GABPA: variants seen among roughly 807,000 people sequenced by gnomAD.
GABPA encodes GA-binding protein alpha chain.
GABPA carries 4 observed loss-of-function variants against 59.4 expected under a neutral mutation model. The observed-to-expected ratio is 0.07, with a 90% CI of 0.03 to 0.15. The LOEUF (loss-of-function observed/expected upper bound fraction) is 0.15, where lower values mean the gene tolerates loss of function less well. Among genes scored for constraint, GABPA ranks in the 10% least tolerant of loss-of-function variants. The probability of loss-of-function intolerance (pLI) is 1.00; values close to 1 mark genes in which losing one functional copy is unlikely to be tolerated. For synonymous variants in GABPA, 164 were observed against 183.1 expected (o/e 0.90, Z 0.84); for missense variants, 251 against 543.8 (o/e 0.46, Z 5.36).
intron 9 of GABPA, among the ~76,000 whole-genome samples, chr21:25,767,850 A>C (rs2035929305): frequency 6.6e-6 from 1 of 152,092 alleles, no homozygotes; most frequent in African/African-American, 2.4e-5. Flanking sequence ...GCTATTCTGG[A>C]ATTAGGGAAA....
Position 25,764,770 on chromosome 21 carries a change from A to G in GABPA, c.1119A>G (p.Lys373=). The G allele has an allele frequency of 3.8e-6, 6 of 1,589,884 alleles. No homozygotes were observed. The highest frequency in any genetic ancestry group is 5.1e-6 in the Non-Finnish European group (6 of 1,172,478). ...RKNKPTMNYE[K]LSRALRYYYD... ...ATAAGCCTACGATGAACTATGAGAA[A>G]CTCAGTCGTGCATTAAGGTAAGCCT... Residue 373 remains lysine (K), a synonymous_variant, in exon 9 of 10, where the codon AAA becomes AAG. Coordinates refer to ENST00000400075, the MANE Select transcript of GABPA (RefSeq NM_002040.4).
chr21:25,744,042 CAAAAAA>C (rs1182340915), intron 2 of GABPA, among the ~76,000 whole-genome samples: 1 of 71,884 alleles, frequency 1.4e-5, no homozygotes. Flanking sequence ...GACTCTGTCT[CAAAAAA>C]AAAAAAAAAA....
chr21:25,758,345 A>T, intron 6 of GABPA, 141 bp downstream of exon 6: 1 of 590,974 alleles, frequency 1.7e-6, no homozygotes, highest in Non-Finnish European at 2.8e-6. Flanking sequence ...GTATAATGCT[A>T]TGCTGAAAGC....
At chr21:25,764,187 T>A (rs202180011) in intron 7 of GABPA, 23 bp from the exon 8 acceptor site, 4 of 1,530,832 alleles carry the variant, frequency 2.6e-6, no homozygotes, top group African/African-American at 1.4e-5. Context: ...AGAAAAAAAA[T>A]TTCTCCTTGT....
chr21:25,768,881 T>C, intron 9 of GABPA, 123 bp from the exon 10 acceptor site: 1 of 640,020 alleles, frequency 1.6e-6, no homozygotes, highest in Admixed American at 2.7e-5. Flanking sequence ...ATAGCTTCAA[T>C]ATTAATTGCT....
chr21:25,763,842 G>A (rs2035823031), intron 7 of GABPA, among the ~76,000 whole-genome samples: 1 of 152,086 alleles, frequency 6.6e-6, no homozygotes, highest in Non-Finnish European at 1.5e-5. Context: ...TTCTCAAAGT[G>A]GTGGTGTGAA....
At chr21:25,736,078 C>A (rs550528943) in intron 1 of GABPA, among the ~76,000 whole-genome samples, 12 of 151,924 alleles carry the variant, frequency 7.9e-5, no homozygotes, top group African/African-American at 2.9e-4. Flanking sequence ...TGGTAGCCAT[C>A]TGGGTTTGTT....
intron 1 of GABPA, among the ~76,000 whole-genome samples, chr21:25,739,598 A>G (rs1310965279): frequency 2.0e-5 from 3 of 152,040 alleles, no homozygotes; most frequent in African/African-American, 7.3e-5. Context: ...TTCCTCTTCT[A>G]CTTTTAAGGA....
chr21:25,767,800 T>C (rs1601158921), intron 9 of GABPA, among the ~76,000 whole-genome samples: 2 of 152,120 alleles, frequency 1.3e-5, no homozygotes, highest in South Asian at 4.1e-4. Flanking sequence ...CAATGTGTTA[T>C]ATCTCTTACT....
chr21:25,753,190 A>G (rs907938696), intron 5 of GABPA, among the ~76,000 whole-genome samples: 1 of 152,216 alleles, frequency 6.6e-6, no homozygotes, highest in African/African-American at 2.4e-5. Flanking sequence ...TTGGGGAAGT[A>G]GAGAAGTCTG....
intron 5 of GABPA, among the ~76,000 whole-genome samples, chr21:25,752,733 TA>T (rs2123531379): frequency 6.6e-6 from 1 of 152,282 alleles, no homozygotes; most frequent in African/African-American, 2.4e-5. Context: ...GTTAAGGAGT[TA>T]CTCTGTAGCA....
At chr21:25,739,095 A>G (rs2035153469) in intron 1 of GABPA, among the ~76,000 whole-genome samples, 1 of 152,212 alleles carries the variant, frequency 6.6e-6, no homozygotes, top group Non-Finnish European at 1.5e-5. Flanking sequence ...CGTCCATCCC[A>G]GTGGAGAACC....
chr21:25,763,261 T>G lies in GABPA; in HGVS notation c.802+896T>G, dbSNP rs889876935. ...GAGAATACTTTTAAGCCTGCTGAGC[T>G]CTTTTGGGGCATTTTTCCCCCCTTT... On this transcript the variant is annotated intron_variant, in intron 7 of 9. Coordinates refer to ENST00000400075, the MANE Select transcript of GABPA (RefSeq NM_002040.4). The G allele has an allele frequency of 4.8e-4, 188 of 394,908 alleles. 2 individuals are homozygous for G. Among genetic ancestry groups the G allele is most frequent in the Non-Finnish European group, 2.9e-5 (6 of 204,218 alleles). The allele number at this position is 394,908 out of a possible 1,614,324, so 24.5% of individuals were successfully genotyped here.
chr21:25,737,578 AT>A (rs1464625919), intron 1 of GABPA, among the ~76,000 whole-genome samples: 3 of 152,104 alleles, frequency 2.0e-5, no homozygotes, highest in African/African-American at 7.2e-5. Context: ...CATAGGATAA[AT>A]TTCTTTGTAG....
chr21:25,754,463 A>G (rs1242095948), intron 5 of GABPA, among the ~76,000 whole-genome samples: 2 of 151,876 alleles, frequency 1.3e-5, no homozygotes, highest in African/African-American at 4.8e-5. Flanking sequence ...TATCTGCACT[A>G]CTTTCTGCCA....
rs2035989178 is a variant in GABPA, at chr21:25,770,543, C to T, written c.*1311C>T. ...ATTAAGCACGAATTATTACATGAGACTGGCAGATAGCTATTAATCCTCTTA... is the reference window on the plus strand; with the variant it reads ...ATTAAGCACGAATTATTACATGAGATTGGCAGATAGCTATTAATCCTCTTA... On this transcript the variant is annotated 3_prime_UTR_variant, in exon 10 of 10. Coordinates refer to ENST00000400075, the MANE Select transcript of GABPA (RefSeq NM_002040.4). The T allele has an allele frequency of 6.6e-6, 1 of 152,098 alleles. No individual in the cohort carries two copies. Among genetic ancestry groups the T allele is most frequent in the Non-Finnish European group, 1.5e-5 (1 of 67,954 alleles). 9.4% of individuals were successfully genotyped at this position (152,098 alleles called of 1,614,324 possible).
intron 7 of GABPA, among the ~76,000 whole-genome samples, chr21:25,763,601 C>G (rs763790760): frequency 6.6e-6 from 1 of 152,100 alleles, no homozygotes; most frequent in Non-Finnish European, 1.5e-5. Flanking sequence ...GCATTGTTTT[C>G]CACATGTTTA....
chr21:25,747,601 A>G (rs112517907), intron 3 of GABPA, among the ~76,000 whole-genome samples: 24 of 152,196 alleles, frequency 1.6e-4, no homozygotes, highest in African/African-American at 5.5e-4. Flanking sequence ...GCTTATGGTA[A>G]TGCTGTGGGC....
At position 25,745,292 on chromosome 21, in the gene GABPA, C is replaced by G; in HGVS notation, c.160C>G (p.Leu54Val). ...TGAACCAATAGGCAATTTAAAGAAA[C>G]TGCTAGAACCAAGACTACAGTGTTC... Reference protein sequence around the residue: ...INEPIGNLKKLLEPRLQCSLD... With the variant: ...INEPIGNLKKVLEPRLQCSLD... Residue 54 changes from leucine to valine, a missense_variant, in exon 3 of 10, where the codon CTG (leucine) becomes GTG (valine). Coordinates refer to ENST00000400075, the MANE Select transcript of GABPA (RefSeq NM_002040.4). 1.9e-6 allele frequency: 3 copies of G among 1,613,596 alleles called. No homozygotes were observed. The highest frequency in any genetic ancestry group is 8.5e-7 in the Non-Finnish European group (1 of 1,179,528).
Sources: allele counts gnomAD v4.1 joint callset (sites outside exome capture counted in the v4.1 genomes callset), GRCh38; gene constraint gnomAD v4.1.1; transcripts MANE v1.5; gene names NCBI Gene and HGNC (gene_info 2026-07-23, HGNC 2026-07-21).